WFDC9: variants seen among roughly 807,000 people sequenced by gnomAD.
The protein encoded by WFDC9 is protein WFDC9.
In WFDC9, 9 loss-of-function variants were observed where a neutral mutation model predicts 9.5. The ratio of observed to expected loss-of-function variants is 0.95; its 90% CI spans 0.57 to 1.65. The LOEUF (loss-of-function observed/expected upper bound fraction) is 1.65, where lower values mean the gene tolerates loss of function less well. WFDC9 is among the 40% of genes most tolerant of loss of function. The pLI is 0.00. For synonymous variants in WFDC9, 33 were observed against 32.3 expected (o/e 1.02, Z -0.07); for missense variants, 87 against 106.7 (o/e 0.82, Z 0.81).
chr20:45,630,654 G>T (rs796898709), intron 1 of WFDC9, among the ~76,000 whole-genome samples: 2 of 152,180 alleles, frequency 1.3e-5, no homozygotes, highest in Admixed American at 6.5e-5. Context: ...CCCAGGCATT[G>T]TGGTCTAATG....
At chr20:45,624,301 G>A (rs566198586) in intron 1 of WFDC9, among the ~76,000 whole-genome samples, 2 of 152,160 alleles carry the variant, frequency 1.3e-5, no homozygotes, top group African/African-American at 2.4e-5. Context: ...CTCCAGATAT[G>A]AGTGAGACTA....
chr20:45,625,404 A>G (rs1982195394), intron 1 of WFDC9, among the ~76,000 whole-genome samples: 2 of 152,210 alleles, frequency 1.3e-5, no homozygotes, highest in Admixed American at 6.5e-5. Flanking sequence ...CTCATTCTGT[A>G]GATTGTCTTT....
intron 2 of WFDC9, among the ~76,000 whole-genome samples, chr20:45,611,936 A>G (rs905264465): frequency 3.9e-5 from 6 of 152,138 alleles, no homozygotes; most frequent in African/African-American, 1.4e-4. Context: ...TGGGCCCCAG[A>G]GTCAGATAGG....
At chr20:45,615,039 C>A (rs1342612135) in intron 1 of WFDC9, among the ~76,000 whole-genome samples, 1 of 152,156 alleles carries the variant, frequency 6.6e-6, no homozygotes, top group Non-Finnish European at 1.5e-5. Context: ...CTACATTGAC[C>A]TTTGACCTCT....
chr20:45,628,395 A>G (rs150980422), intron 1 of WFDC9, among the ~76,000 whole-genome samples: 1 of 152,318 alleles, frequency 6.6e-6, no homozygotes, highest in Non-Finnish European at 1.5e-5. Flanking sequence ...GTCTTGACCT[A>G]GTAGTGACAA....
At chr20:45,620,624 T>C (rs1982075970) in intron 1 of WFDC9, among the ~76,000 whole-genome samples, 1 of 152,178 alleles carries the variant, frequency 6.6e-6, no homozygotes, top group Admixed American at 6.5e-5. Context: ...TACAACTTTG[T>C]ATAGATAATT....
rs11698955 is a variant in WFDC9, at chr20:45,610,547, A to T, written c.-58-308T>A. On this transcript the variant is annotated intron_variant, in intron 2 of 4. Coordinates refer to ENST00000326000, the MANE Select transcript of WFDC9 (RefSeq NM_147198.4). ...GCATTAGCAATTCCACCATCTAGAG[A>T]TAATCAATATATGTCTATACTTTTA... 2.0e-3 allele frequency among the ~76,000 whole-genome samples: 306 copies of T among 152,352 alleles called. 2 individuals carry two copies. Among genetic ancestry groups the T allele is most frequent in the Non-Finnish European group, 2.7e-3 (183 of 68,044 alleles).
At chr20:45,621,218 A>C (rs189166470) in intron 1 of WFDC9, among the ~76,000 whole-genome samples, 13 of 152,332 alleles carry the variant, frequency 8.5e-5, no homozygotes, top group African/African-American at 2.9e-4. Context: ...AGTTTTCCTA[A>C]AACAAGACAG....
intron 2 of WFDC9, among the ~76,000 whole-genome samples, chr20:45,614,058 T>C (rs1311319854): frequency 6.6e-6 from 1 of 152,194 alleles, no homozygotes; most frequent in Non-Finnish European, 1.5e-5. Context: ...AATACCACCC[T>C]AGACCCAAGT....
At chr20:45,629,294 T>A (rs1432590156) in intron 1 of WFDC9, among the ~76,000 whole-genome samples, 8 of 152,228 alleles carry the variant, frequency 5.3e-5, no homozygotes, top group Non-Finnish European at 1.2e-4. Flanking sequence ...ACTTGATTAT[T>A]AGCATTTGAG....
At chr20:45,609,787 T>C (rs1184385318) in intron 3 of WFDC9, among the ~76,000 whole-genome samples, 1 of 152,198 alleles carries the variant, frequency 6.6e-6, no homozygotes, top group Non-Finnish European at 1.5e-5. Context: ...TCTGAAAATA[T>C]GGGCTTGGAG....
At chr20:45,625,133 G>T (rs1982188016) in intron 1 of WFDC9, among the ~76,000 whole-genome samples, 1 of 152,192 alleles carries the variant, frequency 6.6e-6, no homozygotes, top group African/African-American at 2.4e-5. Flanking sequence ...TTTAAATCAT[G>T]TCAGAAGGCG....
At chr20:45,625,939 C>T (rs910333143) in intron 1 of WFDC9, among the ~76,000 whole-genome samples, 3 of 150,646 alleles carry the variant, frequency 2.0e-5, no homozygotes, top group Admixed American at 1.3e-4. Context: ...GCCTCAGCCT[C>T]CAGAGTAGAG....
At chr20:45,610,748 G>A (rs1981842776) in intron 2 of WFDC9, among the ~76,000 whole-genome samples, 1 of 152,152 alleles carries the variant, frequency 6.6e-6, no homozygotes, top group Non-Finnish European at 1.5e-5. Context: ...AAAGATGATG[G>A]CCAAGAACTG....
chr20:45,608,721 C>T lies in WFDC9; in HGVS notation c.181G>A (p.Val61Ile). Residue 61 changes from valine (V) to isoleucine (I), a missense_variant, in exon 4 of 5, where the codon GTA becomes ATA. Transcript: ENST00000326000. ...EKRCTKIMTCVRPNHTCCWTY... is the reference protein window; with the variant it reads ...EKRCTKIMTCIRPNHTCCWTY... ...CAGCAGCATGTATGATTTGGACGTA[C>T]ACAAGTCATTATTTTAGTACACCTT... is the stretch of plus-strand genomic sequence containing the variant. 3 of 1,614,086 alleles carry T rather than the reference C, an allele frequency of 1.9e-6. No homozygotes were observed. Among genetic ancestry groups the T allele is most frequent in the Non-Finnish European group, 2.5e-6 (3 of 1,179,960 alleles).
At chr20:45,627,299 T>C (rs1982240358) in intron 1 of WFDC9, among the ~76,000 whole-genome samples, 1 of 152,160 alleles carries the variant, frequency 6.6e-6, no homozygotes, top group South Asian at 2.1e-4. Flanking sequence ...CTTGTTATTG[T>C]CTGGTTTTGG....
chr20:45,629,131 A>C (rs998373959), intron 1 of WFDC9, among the ~76,000 whole-genome samples: 6 of 152,158 alleles, frequency 3.9e-5, no homozygotes, highest in African/African-American at 1.4e-4. Context: ...GTATATGTAT[A>C]TCTGTGTATG....
chr20:45,616,302 A>G (rs1347066019), intron 1 of WFDC9, among the ~76,000 whole-genome samples: 1 of 152,214 alleles, frequency 6.6e-6, no homozygotes, highest in Non-Finnish European at 1.5e-5. Flanking sequence ...TTCTTTGCTC[A>G]TCTATAAGAA....
intron 1 of WFDC9, chr20:45,630,822 T>G: frequency 6.6e-7 from 1 of 1,508,998 alleles, no homozygotes. Context: ...TTGAGAAAAA[T>G]GTTCTCTAGG....
Sources: gnomAD v4.1 joint callset for allele counts (sites outside exome capture counted in the v4.1 genomes callset) on GRCh38, gnomAD v4.1.1 for gene constraint, MANE v1.5 for transcripts, NCBI Gene and HGNC (gene_info 2026-07-23, HGNC 2026-07-21) for gene names.